Variants in MOXD1 observed in about 807,000 individuals in gnomAD.
MOXD1 encodes the protein DBH-like monooxygenase protein 1.
MOXD1 carries 62 observed loss-of-function variants against 66.6 expected under a neutral mutation model. The observed-to-expected ratio is 0.93, with a 90% CI of 0.76 to 1.15. MOXD1 has a LOEUF of 1.15. Ranked by LOEUF, MOXD1 falls within the 50% of genes most tolerant of loss-of-function variation. The pLI, the probability that MOXD1 is intolerant of heterozygous loss-of-function variation, is 0.00. For synonymous variants in MOXD1, 303 were observed against 281.9 expected, an observed-to-expected ratio of 1.07 and a Z score of -0.75; for missense variants, 847 against 754.6, an observed-to-expected ratio of 1.12 and a Z score of -1.44.
chr6:132,323,190 C>T (rs1457406727), intron 7 of MOXD1, among the ~76,000 whole-genome samples: 1 of 152,102 alleles, frequency 6.6e-6, no homozygotes, highest in African/African-American at 2.4e-5. Flanking sequence ...TGTTAGTAAC[C>T]TGAAAACCCA....
Position 132,401,398 on chromosome 6 carries a change from C to A in MOXD1, c.29G>T (p.Trp10Leu). The change falls in exon 1 of 12, where the codon TGG becomes TTG. Residue 10 changes from tryptophan to leucine, a missense_variant. By Grantham distance (61) the Trp-to-Leu change is moderately conservative. Transcript: ENST00000367963. Reference sequence around the variant, plus strand: ...CGCCGCCGTCCCGGGGAGCAGCCCCCACAGCAGGAGCAGCGGCCAGCAGCA... The same window carrying A: ...CGCCGCCGTCCCGGGGAGCAGCCCCAACAGCAGGAGCAGCGGCCAGCAGCA... MCCWPLLLL[W>L]GLLPGTAAGG... 6.5e-7 allele frequency: 1 copy of A among 1,527,258 alleles called. No homozygotes were observed. The highest frequency in any genetic ancestry group is 8.7e-7 in the Non-Finnish European group (1 of 1,143,102). The allele number at this position is 1,527,258 out of a possible 1,614,324, so 94.6% of individuals were successfully genotyped here. A position where few individuals can be genotyped will look rare whatever the true frequency, so the allele number is the denominator to read the frequency against.
At position 132,340,686 on chromosome 6, in the gene MOXD1, A is replaced by G. The variant is rs182746366; in HGVS notation, c.664-12092T>C. 3.5e-3 allele frequency among the ~76,000 whole-genome samples: 413 copies of G among 116,430 alleles called. 3 individuals carry two copies. The highest frequency in any genetic ancestry group is 0.023 in the South Asian group (88 of 3,816). The allele number at this position is 116,430 out of a possible 152,430, so 76.4% of individuals were successfully genotyped here. ...TTTTGAGCCGGAGTCTCGCTCTGTC[A>G]CCCAGGCTGGAGTGCAGTGGCGCGA... On this transcript the variant is annotated intron_variant, in intron 4 of 11. Coordinates refer to ENST00000367963, the MANE Select transcript of MOXD1 (RefSeq NM_015529.4).
intron 4 of MOXD1, among the ~76,000 whole-genome samples, chr6:132,331,862 G>A (rs746342442): frequency 6.6e-6 from 1 of 152,092 alleles, no homozygotes. Flanking sequence ...AGTTGCTGCC[G>A]GTGGGAGGGA....
At position 132,314,194 on chromosome 6, in the gene MOXD1, C is replaced by A. The variant is rs1774891986; in HGVS notation, c.1508+1441G>T. 1.3e-5 allele frequency among the ~76,000 whole-genome samples: 2 copies of A among 152,160 alleles called. 1 individual carries two copies. The highest frequency in any genetic ancestry group is 1.3e-4 in the Admixed American group (2 of 15,274). ...AACACCATTCACACCATCACTGAGC[C>A]TTTACTCTGCTCTATCCCTCACTGC... On this transcript the variant is annotated intron_variant, in intron 10 of 11. Transcript: ENST00000367963.
intron 1 of MOXD1, among the ~76,000 whole-genome samples, chr6:132,376,501 C>CTTTTTTTT (rs1166086289): frequency 7.6e-5 from 5 of 65,360 alleles, no homozygotes; most frequent in South Asian, 5.1e-4. Flanking sequence ...ACTACAGCTT[C>CTTTTTTTT]TTTTTTTTTT....
Position 132,297,151 on chromosome 6 carries a change from G to T in MOXD1, c.*2C>A. 1 of 1,612,590 alleles carries T rather than the reference G, an allele frequency of 6.2e-7. No individual in the cohort carries two copies. Among genetic ancestry groups the T allele is most frequent in the South Asian group, 1.1e-5 (1 of 90,928 alleles). ...ACATTGTCAAGTCCAACAGAATTTT[G>T]ATCACAAGCTCTTGGTGCTCAGCGT... On this transcript the variant is annotated 3_prime_UTR_variant, in exon 12 of 12. Transcript: ENST00000367963.
chr6:132,314,094 A>G (rs1455779355), intron 10 of MOXD1, among the ~76,000 whole-genome samples: 1 of 152,348 alleles, frequency 6.6e-6, no homozygotes, highest in South Asian at 2.1e-4. Context: ...TCTCACTGAC[A>G]TCAGTAAGAA....
intron 10 of MOXD1, among the ~76,000 whole-genome samples, chr6:132,310,958 G>A (rs905652310): frequency 5.3e-5 from 8 of 151,770 alleles, no homozygotes; most frequent in African/African-American, 1.9e-4. Context: ...CATGTATCCC[G>A]TTTTTTGTTT....
intron 10 of MOXD1, among the ~76,000 whole-genome samples, chr6:132,302,261 G>T (rs1248162563): frequency 6.6e-6 from 1 of 152,096 alleles, no homozygotes; most frequent in Non-Finnish European, 1.5e-5. Flanking sequence ...ATCTATTCTA[G>T]ACTCACGCTA....
intron 1 of MOXD1, among the ~76,000 whole-genome samples, chr6:132,386,433 C>CA (rs143926667): frequency 0.029 from 1,888 of 65,026 alleles, 74 homozygotes; most frequent in East Asian, 0.046. Flanking sequence ...CAAAACAAAA[C>CA]AAAAAAAAAA....
intron 4 of MOXD1, among the ~76,000 whole-genome samples, chr6:132,333,228 C>T (rs1268812328): frequency 2.0e-5 from 3 of 148,886 alleles, no homozygotes; most frequent in African/African-American, 7.5e-5. Flanking sequence ...CCCAGCTACT[C>T]GGGAGACTGA....
intron 1 of MOXD1, among the ~76,000 whole-genome samples, chr6:132,393,221 C>G (rs1356184060): frequency 6.6e-6 from 1 of 151,898 alleles, no homozygotes; most frequent in Non-Finnish European, 1.5e-5. Flanking sequence ...AAGATTGCCC[C>G]CAATTTCAGT....
At chr6:132,378,973 G>A (rs1432139908) in intron 1 of MOXD1, among the ~76,000 whole-genome samples, 8 of 129,640 alleles carry the variant, frequency 6.2e-5, no homozygotes, top group Admixed American at 9.7e-5. Context: ...TGTCAGCTTG[G>A]TGCGATCTCA....
In MOXD1 at chr6:132,374,746, T is replaced by C; in HGVS notation, c.296A>G (p.Lys99Arg). 5 of 1,613,940 alleles carry C rather than the reference T, an allele frequency of 3.1e-6. No individual in the cohort carries two copies. In the South Asian group the frequency reaches 4.4e-5, roughly 14 times the overall value. ...ATGGTAATCTTGCTGAGCATCTTTT[T>C]TCAACTCTCTATTTGCATTTGTAAA... ...DYFTNANRELKKDAQQDYHLE... is the reference protein window; with the variant it reads ...DYFTNANRELRKDAQQDYHLE... Residue 99 changes from lysine (K) to arginine (R), a missense_variant, in exon 2 of 12, where the codon AAA (lysine) becomes AGA (arginine). Lys to Arg is a conservative substitution (Grantham distance 26). Coordinates refer to ENST00000367963, the MANE Select transcript of MOXD1 (RefSeq NM_015529.4).
At chr6:132,376,717 T>G (rs1447208869) in intron 1 of MOXD1, among the ~76,000 whole-genome samples, 2 of 107,042 alleles carry the variant, frequency 1.9e-5, no homozygotes, top group Non-Finnish European at 3.2e-5. Context: ...GTTTCACCGT[T>G]TTAGCCAGGA....
At chr6:132,303,166 C>CA (rs1245108619) in intron 10 of MOXD1, among the ~76,000 whole-genome samples, 2 of 151,676 alleles carry the variant, frequency 1.3e-5, no homozygotes, top group South Asian at 2.1e-4. Flanking sequence ...CAAAACAAAC[C>CA]AAAAAAATGA....
intron 4 of MOXD1, among the ~76,000 whole-genome samples, chr6:132,344,943 C>T (rs1051234730): frequency 6.6e-6 from 1 of 152,122 alleles, no homozygotes; most frequent in Non-Finnish European, 1.5e-5. Flanking sequence ...GGACATGGGA[C>T]AAGAACCCAG....
intron 5 of MOXD1, 64 bp downstream of exon 5, chr6:132,328,351 T>G (rs1047980304): frequency 1.3e-6 from 2 of 1,573,778 alleles, no homozygotes; most frequent in Non-Finnish European, 1.7e-6. Context: ...TTAATTAGAA[T>G]CATATTTGTG....
intron 4 of MOXD1, among the ~76,000 whole-genome samples, chr6:132,342,564 G>T (rs1775587196): frequency 6.6e-6 from 1 of 152,158 alleles, no homozygotes; most frequent in South Asian, 2.1e-4. Context: ...GTCTGTGTGT[G>T]TGTAATTAAG....
Sources: gnomAD v4.1 joint callset for allele counts (sites outside exome capture counted in the v4.1 genomes callset) on GRCh38, gnomAD v4.1.1 for gene constraint, MANE v1.5 for transcripts, NCBI Gene and HGNC (gene_info 2026-07-23, HGNC 2026-07-21) for gene names.